Variants in NGFR observed in about 807,000 individuals in gnomAD.
The protein encoded by NGFR is nerve growth factor receptor.
NGFR carries 30 observed loss-of-function variants against 43.2 expected under a neutral mutation model. The observed-to-expected ratio is 0.69, with a 90% CI of 0.52 to 0.94. The LOEUF (loss-of-function observed/expected upper bound fraction) is 0.94, where lower values mean the gene tolerates loss of function less well. NGFR is among the 40% of genes least tolerant of loss of function. The pLI is 0.00. For missense variants in NGFR, 529 were observed against 602.5 expected (o/e 0.88, Z 1.28); for synonymous variants, 246 against 259.6 (o/e 0.95, Z 0.50).
chr17:49,506,701 T>TGGGGGGGGGGCCCCG, intron 3 of NGFR, 43 bp downstream of exon 3: 1 of 148,986 alleles, frequency 6.7e-6, no homozygotes. Context: ...GGTGCGGGGG[T>TGGGGGGGGGGCCCCG]GGGCTGGGGG....
intron 4 of NGFR, chr17:49,511,115 TAAAA>T (rs34854378): frequency 7.7e-6 from 1 of 129,304 alleles, no homozygotes; most frequent in Non-Finnish European, 1.7e-5. Context: ...CCATTCTTTC[TAAAA>T]AAAAAAAAAA....
At chr17:49,502,000 A>AGGCGCCC in intron 1 of NGFR, 63 bp from the exon 2 acceptor site, 1 of 264,886 alleles carries the variant, frequency 3.8e-6, no homozygotes, top group Non-Finnish European at 7.9e-6. Context: ...CCCCGGAAGA[A>AGGCGCCC]CCCCCCCCAA....
rs529961314 is a variant in NGFR, at chr17:49,509,985, T to G, written c.569-427T>G. Among the ~76,000 whole-genome samples, 15 of 152,238 alleles carry G rather than the reference T, an allele frequency of 9.9e-5. No individual in the cohort carries two copies. In the South Asian group the frequency reaches 2.7e-3, roughly 27 times the overall value. On this transcript the variant is annotated intron_variant, in intron 3 of 5. Transcript: ENST00000172229. ...CCAGAGAGACATTTCCCAGAGTGAC[T>G]CCAGCTCAAGGCCTCCCTGTGGTCA... is the stretch of plus-strand genomic sequence containing the variant.
chr17:49,511,343 G>A (rs1177449288), intron 4 of NGFR, among the ~76,000 whole-genome samples: 1 of 151,950 alleles, frequency 6.6e-6, no homozygotes, highest in Non-Finnish European at 1.5e-5. Flanking sequence ...AACATGGAGG[G>A]CTTTTTAGGC....
At chr17:49,507,833 G>A (rs954398472) in intron 3 of NGFR, among the ~76,000 whole-genome samples, 3 of 152,288 alleles carry the variant, frequency 2.0e-5, no homozygotes, top group East Asian at 1.9e-4. Flanking sequence ...TGAGAGAGAC[G>A]TGGTCCCAGC....
At position 49,512,035 on chromosome 17, in the gene NGFR, A is replaced by C. The variant is rs759455540; in HGVS notation, c.965A>C (p.Gln322Pro). Residue 322 changes from glutamine to proline, a missense_variant, in exon 5 of 6, where the codon CAG becomes CCG. Physicochemically the swap from Gln to Pro is moderately conservative, Grantham distance 76. Coordinates refer to ENST00000172229, the MANE Select transcript of NGFR (RefSeq NM_002507.4). This position sits in a 1 kb window ranked among gnomAD's most constrained non-coding sequence, Gnocchi z 5.2. ...QSLHDQQPHTQTASGQALKGD... is the reference protein window; with the variant it reads ...QSLHDQQPHTPTASGQALKGD... ...CTGCATGACCAGCAGCCCCACACGCAGACAGCCTCGGGCCAGGGTGAGCAG... is the reference window on the plus strand; with the variant it reads ...CTGCATGACCAGCAGCCCCACACGCCGACAGCCTCGGGCCAGGGTGAGCAG... 1 of 1,613,564 alleles carries C rather than the reference A, an allele frequency of 6.2e-7. No individual in the cohort carries two copies. The highest frequency in any genetic ancestry group is 8.5e-7 in the Non-Finnish European group (1 of 1,179,834).
intron 3 of NGFR, among the ~76,000 whole-genome samples, chr17:49,506,884 C>T (rs2071203103): frequency 2.6e-5 from 4 of 152,166 alleles, no homozygotes; most frequent in Admixed American, 6.5e-5. Context: ...TCTGTGTTAC[C>T]TTCTTTGGGC....
rs188078737 is a variant in NGFR, at chr17:49,498,027, G to A, written c.66+2544G>A. Among the ~76,000 whole-genome samples the A allele has an allele frequency of 1.6e-3, 247 of 152,308 alleles. 1 individual carries two copies. The highest frequency in any genetic ancestry group is 3.7e-3 in the South Asian group (18 of 4,826). ...TCTTGAATTATTTAATCCTTATAAG[G>A]TCCTAGCAAGGTGAATTTAGTTATT... On this transcript the variant is annotated intron_variant, in intron 1 of 5. Transcript: ENST00000172229.
At chr17:49,509,400 A>G (rs2071218261) in intron 3 of NGFR, among the ~76,000 whole-genome samples, 1 of 152,152 alleles carries the variant, frequency 6.6e-6, no homozygotes. Context: ...GGGACGGGGT[A>G]GGCAACATTG....
chr17:49,510,037 T>C (rs1472708769), intron 3 of NGFR, among the ~76,000 whole-genome samples: 2 of 152,114 alleles, frequency 1.3e-5, no homozygotes, highest in African/African-American at 2.4e-5. Flanking sequence ...TGCTCCTAGA[T>C]AGGCCTCTCT....
chr17:49,503,759 G>T (rs1376156077), intron 2 of NGFR, among the ~76,000 whole-genome samples: 3 of 152,176 alleles, frequency 2.0e-5, no homozygotes, highest in South Asian at 4.1e-4. Flanking sequence ...GCCTAACAGG[G>T]TTTCCATTCC....
intron 2 of NGFR, among the ~76,000 whole-genome samples, chr17:49,503,716 C>G (rs899652508): frequency 2.6e-5 from 4 of 152,290 alleles, no homozygotes; most frequent in African/African-American, 7.2e-5. Flanking sequence ...ATGCCTTTGC[C>G]GTCTTGCTTC....
chr17:49,496,829 G>C (rs1429291574), intron 1 of NGFR: 1 of 152,228 alleles, frequency 6.6e-6, no homozygotes, highest in Admixed American at 6.5e-5. Flanking sequence ...CACCGACTCG[G>C]CAAAGGTCGG....
At chr17:49,502,001 C>CGGGG in intron 1 of NGFR, 62 bp from the exon 2 acceptor site, 1 of 221,818 alleles carries the variant, frequency 4.5e-6, no homozygotes, top group Non-Finnish European at 9.2e-6. Flanking sequence ...CCCGGAAGAA[C>CGGGG]CCCCCCCAAC....
At chr17:49,503,432 C>T (rs1285800232) in intron 2 of NGFR, among the ~76,000 whole-genome samples, 2 of 152,210 alleles carry the variant, frequency 1.3e-5, no homozygotes, top group Non-Finnish European at 2.9e-5. Context: ...CTACCTGGCA[C>T]TCGATGCCCA....
At position 49,513,096 on chromosome 17, in the gene NGFR, G is replaced by A. The variant is rs924988724; in HGVS notation, c.*87G>A. ...TGTGGAGCCCGCACCCCCACCCTTT[G>A]GGGGGGGCCCGCCTGGCAGAACTGA... On this transcript the variant is annotated 3_prime_UTR_variant, in exon 6 of 6. Transcript: ENST00000172229. 3.0e-6 allele frequency: 4 copies of A among 1,351,756 alleles called. No individual in the cohort carries two copies. The highest frequency in any genetic ancestry group is 2.8e-5 in the Admixed American group (1 of 35,102). The allele number at this position is 1,351,756 out of a possible 1,614,324, so 83.7% of individuals were successfully genotyped here. A position where few individuals can be genotyped will look rare whatever the true frequency, so the allele number is the denominator to read the frequency against.
intron 2 of NGFR, among the ~76,000 whole-genome samples, chr17:49,502,884 T>C (rs1366158746): frequency 7.6e-6 from 1 of 131,020 alleles, no homozygotes; most frequent in East Asian, 2.3e-4. Flanking sequence ...CTCTCTCTCT[T>C]TCTTTACCTT....
chr17:49,502,057 A>G lies in NGFR; in HGVS notation c.67-6A>G. ...CAGTCTGACCCTCCGATCTCCCTCC[A>G]TCCAGGTGTCCCTTGGAGGTGCCAA... On this transcript the variant is annotated splice_region_variant and splice_polypyrimidine_tract_variant and intron_variant, in intron 1 of 5. Transcript: ENST00000172229. 1 of 1,233,580 alleles carries G rather than the reference A, an allele frequency of 8.1e-7. No individual in the cohort carries two copies. Among genetic ancestry groups the G allele is most frequent in the Non-Finnish European group, 1.0e-6 (1 of 956,584 alleles). The allele number at this position is 1,233,580 out of a possible 1,614,324, so 76.4% of individuals were successfully genotyped here.
Position 49,502,223 on chromosome 17 carries a change from G to C in NGFR, c.208+19G>C, listed in dbSNP as rs761341517. ...CTGGACAGTGAGTAGAGGGTGGCGGGCAGGAGGAGGGGAGAAGAATGGGAG... is the reference window on the plus strand; with the variant it reads ...CTGGACAGTGAGTAGAGGGTGGCGGCCAGGAGGAGGGGAGAAGAATGGGAG... On this transcript the variant is annotated intron_variant, in intron 2 of 5. Coordinates refer to ENST00000172229, the MANE Select transcript of NGFR (RefSeq NM_002507.4). 1 of 1,579,456 alleles carries C rather than the reference G, an allele frequency of 6.3e-7. No individual in the cohort carries two copies. Among genetic ancestry groups the C allele is most frequent in the African/African-American group, 1.3e-5 (1 of 74,652 alleles).
Sources: gnomAD v4.1 joint callset for allele counts (sites outside exome capture counted in the v4.1 genomes callset) on GRCh38, gnomAD v4.1.1 for gene constraint, Gnocchi (gnomAD v3.1) non-coding constraint, MANE v1.5 for transcripts, NCBI Gene and HGNC (gene_info 2026-07-23, HGNC 2026-07-21) for gene names.